Variants in CDH18 observed in about 807,000 individuals in gnomAD.
CDH18 encodes the protein cadherin-18.
In CDH18, 31 loss-of-function variants were observed where a neutral mutation model predicts 67.9. The observed-to-expected ratio is 0.46, with a 90% CI of 0.34 to 0.62. CDH18 has a LOEUF of 0.62. Among genes scored for constraint, CDH18 ranks in the 20% least tolerant of loss-of-function variants. The pLI is 0.01. For synonymous variants in CDH18, 362 were observed against 347.2 expected, an observed-to-expected ratio of 1.04 and a Z score of -0.48; for missense variants, 890 against 975.5, an observed-to-expected ratio of 0.91 and a Z score of 1.17.
intron 2 of CDH18, among the ~76,000 whole-genome samples, chr5:20,200,498 A>C (rs1739365906): frequency 6.6e-6 from 1 of 151,872 alleles, no homozygotes; most frequent in Admixed American, 6.6e-5. Flanking sequence ...ACATAGTGAA[A>C]ACTTATCTCT....
chr5:20,125,518 T>C (rs1170557722), intron 2 of CDH18, among the ~76,000 whole-genome samples: 3 of 152,232 alleles, frequency 2.0e-5, no homozygotes, highest in Admixed American at 6.5e-5. Context: ...TTATATTTCA[T>C]TGGGGAAAAA....
intron 1 of CDH18, among the ~76,000 whole-genome samples, chr5:20,355,289 T>C (rs566526336): frequency 6.6e-6 from 1 of 152,366 alleles, no homozygotes; most frequent in Admixed American, 6.5e-5. Context: ...TCCAGTAGCA[T>C]CTTCTCATGA....
At chr5:19,897,082 A>C (rs1473530686) in intron 2 of CDH18, among the ~76,000 whole-genome samples, 2 of 152,178 alleles carry the variant, frequency 1.3e-5, no homozygotes, top group Non-Finnish European at 2.9e-5. Context: ...AAATATGTTA[A>C]GGTAAAATAT....
intron 11 of CDH18, among the ~76,000 whole-genome samples, chr5:19,498,310 C>T (rs1215471418): frequency 2.0e-5 from 3 of 152,114 alleles, no homozygotes; most frequent in Non-Finnish European, 2.9e-5. Context: ...AAATTAATGC[C>T]TCTGCTCGCA....
intron 1 of CDH18, among the ~76,000 whole-genome samples, chr5:20,564,420 G>C (rs1424995560): frequency 1.3e-5 from 2 of 151,910 alleles, no homozygotes; most frequent in African/African-American, 2.4e-5. Context: ...TGGGACTACA[G>C]GCACATGCTA....
chr5:20,181,555 T>C (rs921985668), intron 2 of CDH18, among the ~76,000 whole-genome samples: 45 of 152,052 alleles, frequency 3.0e-4, no homozygotes, highest in Admixed American at 2.6e-4. Flanking sequence ...CCCTGAATCA[T>C]AGGAAATAAG....
At chr5:20,003,184 T>C (rs1461580541) in intron 2 of CDH18, among the ~76,000 whole-genome samples, 1 of 152,118 alleles carries the variant, frequency 6.6e-6, no homozygotes, top group Non-Finnish European at 1.5e-5. Flanking sequence ...AGTCAAGCAA[T>C]GCTTTGGCCC....
intron 2 of CDH18, among the ~76,000 whole-genome samples, chr5:19,975,448 T>G (rs1186411159): frequency 6.6e-6 from 1 of 152,126 alleles, no homozygotes; most frequent in Admixed American, 6.6e-5. Context: ...GTAGGAGGAT[T>G]GTGTACTACC....
chr5:19,849,785 AAC>A (rs1361008006), intron 2 of CDH18, among the ~76,000 whole-genome samples: 1 of 145,896 alleles, frequency 6.9e-6, no homozygotes, highest in African/African-American at 2.5e-5. Flanking sequence ...TATATATATG[AAC>A]ATATATATAC....
chr5:20,418,498 T>C (rs1747538806), intron 1 of CDH18, among the ~76,000 whole-genome samples: 1 of 151,826 alleles, frequency 6.6e-6, no homozygotes. Flanking sequence ...CCTGCATACC[T>C]TCCTAGAGTG....
chr5:20,505,224 A>T (rs977235486), intron 1 of CDH18, among the ~76,000 whole-genome samples: 2 of 152,146 alleles, frequency 1.3e-5, no homozygotes, highest in Non-Finnish European at 2.9e-5. Flanking sequence ...GAAGATTCTA[A>T]ACAGAAAAAT....
intron 2 of CDH18, among the ~76,000 whole-genome samples, chr5:20,015,755 C>T (rs1737823724): frequency 6.6e-6 from 1 of 152,022 alleles, no homozygotes; most frequent in Non-Finnish European, 1.5e-5. Flanking sequence ...AGATGATGAG[C>T]TTGCATTTTT....
intron 1 of CDH18, among the ~76,000 whole-genome samples, chr5:20,292,519 A>G (rs1221301875): frequency 1.3e-5 from 2 of 152,170 alleles, no homozygotes. Flanking sequence ...GAGGAGGCCA[A>G]TGCAGTTATA....
intron 2 of CDH18, among the ~76,000 whole-genome samples, chr5:19,917,188 C>T (rs1791901117): frequency 6.6e-6 from 1 of 152,186 alleles, no homozygotes; most frequent in East Asian, 1.9e-4. Context: ...TAAGAACTCA[C>T]AAATTGTGGA....
intron 8 of CDH18, among the ~76,000 whole-genome samples, chr5:19,555,509 C>T (rs1738236924): frequency 6.6e-6 from 1 of 152,166 alleles, no homozygotes; most frequent in African/African-American, 2.4e-5. Flanking sequence ...GGCTCTTCCC[C>T]CACTTCCCTG....
intron 2 of CDH18, among the ~76,000 whole-genome samples, chr5:20,063,570 C>A (rs1742695345): frequency 6.6e-6 from 1 of 152,104 alleles, no homozygotes; most frequent in Non-Finnish European, 1.5e-5. Flanking sequence ...TGCTAGTAAG[C>A]AATCAACCTT....
chr5:20,514,931 G>A (rs1581136448), intron 1 of CDH18, among the ~76,000 whole-genome samples: 1 of 151,628 alleles, frequency 6.6e-6, no homozygotes, highest in Non-Finnish European at 1.5e-5. Flanking sequence ...ATATATCATG[G>A]CTATTTCCTA....
chr5:19,480,503 G>T (rs1081263), intron 12 of CDH18, among the ~76,000 whole-genome samples: 12,989 of 151,050 alleles, frequency 0.086, 614 homozygotes, highest in African/African-American at 0.11. Flanking sequence ...TCAGCCTCCC[G>T]AGTAGCTGGG....
chr5:19,803,630 C>T lies in CDH18; in HGVS notation c.228+35129G>A, dbSNP rs182717008. ...AAATCCAGACTTCAGTCATTTGGCA[C>T]AGGTCGACTGTCATTCATCGAGGTA... is the stretch of plus-strand genomic sequence containing the variant. On this transcript the variant is annotated intron_variant, in intron 3 of 12. Transcript: ENST00000382275. Among the ~76,000 whole-genome samples, 503 of 152,294 alleles carry T rather than the reference C, an allele frequency of 3.3e-3. 1 individual carries two copies. Among genetic ancestry groups the T allele is most frequent in the Non-Finnish European group, 6.1e-3 (415 of 68,018 alleles).
Sources: allele counts gnomAD v4.1 joint callset (sites outside exome capture counted in the v4.1 genomes callset), GRCh38; gene constraint gnomAD v4.1.1; transcripts MANE v1.5; gene names NCBI Gene and HGNC (gene_info 2026-07-23, HGNC 2026-07-21).